GALNT1: variants seen among roughly 807,000 people sequenced by gnomAD.
GALNT1 encodes the protein GalNAc transferase 1.
A neutral mutation model predicts 65.7 loss-of-function variants in GALNT1; 17 were observed. The ratio of observed to expected loss-of-function variants is 0.26; its 90% confidence interval spans 0.18 to 0.39. The LOEUF is 0.39. Among genes scored for constraint, GALNT1 ranks in the 10% least tolerant of loss-of-function variants. GALNT1 has a pLI of 1.00. For missense variants in GALNT1, 460 were observed against 672.8 expected, an observed-to-expected ratio of 0.68 and a Z score of 3.50; for synonymous variants, 210 against 219.7, an observed-to-expected ratio of 0.96 and a Z score of 0.39.
intron 1 of GALNT1, among the ~76,000 whole-genome samples, chr18:35,622,847 G>A (rs545958744): frequency 6.6e-6 from 1 of 151,904 alleles, no homozygotes; most frequent in Non-Finnish European, 1.5e-5. Flanking sequence ...TTTAACTGTA[G>A]ATTTAGGGCA....
rs2047879494 is a variant in GALNT1, at chr18:35,687,061, T to A, written c.735T>A (p.Thr245=). 1.2e-6 allele frequency: 2 copies of A among 1,613,858 alleles called. No homozygotes were observed. The highest frequency in any genetic ancestry group is 1.7e-6 in the Non-Finnish European group (2 of 1,179,874). ...CPIIDVISDD[T]FEYMAGSDMT... ...TCATCGATGTGATCAGTGATGATAC[T>A]TTTGAGTACATGGCAGGCTCTGATA... The change falls in exon 6 of 12, where the codon ACT becomes ACA. Residue 245 remains threonine (T), a synonymous_variant. Coordinates refer to ENST00000269195, the MANE Select transcript of GALNT1 (RefSeq NM_020474.4).
At chr18:35,631,815 C>T (rs1188087345) in intron 1 of GALNT1, among the ~76,000 whole-genome samples, 1 of 152,188 alleles carries the variant, frequency 6.6e-6, no homozygotes, top group Admixed American at 6.5e-5. Flanking sequence ...ACCCCATCGT[C>T]TCAGCCCAAA....
chr18:35,634,117 C>T (rs574603635), intron 1 of GALNT1, among the ~76,000 whole-genome samples: 1 of 152,238 alleles, frequency 6.6e-6, no homozygotes, highest in African/African-American at 2.4e-5. Context: ...AGAAATAATA[C>T]CATTTAAAAT....
At chr18:35,670,408 A>C (rs1387160982) in intron 3 of GALNT1, among the ~76,000 whole-genome samples, 3 of 152,268 alleles carry the variant, frequency 2.0e-5, no homozygotes, top group Non-Finnish European at 4.4e-5. Flanking sequence ...AAAATAAAAC[A>C]ATTTTAAATA....
chr18:35,661,812 A>G (rs1232939220), intron 2 of GALNT1, among the ~76,000 whole-genome samples: 6 of 152,150 alleles, frequency 3.9e-5, no homozygotes, highest in Admixed American at 2.6e-4. Context: ...GTATATGTAT[A>G]TGTTAATACT....
intron 9 of GALNT1, among the ~76,000 whole-genome samples, chr18:35,701,433 C>T (rs982680937): frequency 1.3e-5 from 2 of 152,078 alleles, no homozygotes; most frequent in Admixed American, 1.3e-4. Context: ...TGATCACCTA[C>T]CAGGATGAAG....
At chr18:35,676,642 G>A (rs2144565753) in intron 3 of GALNT1, among the ~76,000 whole-genome samples, 1 of 152,286 alleles carries the variant, frequency 6.6e-6, no homozygotes, top group Non-Finnish European at 1.5e-5. Flanking sequence ...GAGCTTGAGA[G>A]AGAGCAGGGA....
At chr18:35,641,466 G>A (rs1399972187) in intron 1 of GALNT1, among the ~76,000 whole-genome samples, 2 of 152,052 alleles carry the variant, frequency 1.3e-5, no homozygotes, top group East Asian at 3.8e-4. Context: ...AAAAGATACT[G>A]CAGTACATTT....
intron 1 of GALNT1, among the ~76,000 whole-genome samples, chr18:35,615,346 A>G (rs1457379667): frequency 6.6e-6 from 1 of 152,144 alleles, no homozygotes; most frequent in Non-Finnish European, 1.5e-5. Context: ...AAGGAAATGG[A>G]ATACGTTTTA....
intron 1 of GALNT1, among the ~76,000 whole-genome samples, chr18:35,643,476 A>G (rs537254198): frequency 1.3e-5 from 2 of 152,294 alleles, no homozygotes; most frequent in South Asian, 2.1e-4. Flanking sequence ...AACATAACAC[A>G]TATCTGGCTG....
In GALNT1 at chr18:35,688,965, C is replaced by T. The variant is rs530399058; in HGVS notation, c.861-208C>T. Reference sequence around the variant, plus strand: ...AGCATGACACAGCAAGTCTAGCAGTCAGCATGACCATGGTGCAGGTCATGT... The same window carrying T: ...AGCATGACACAGCAAGTCTAGCAGTTAGCATGACCATGGTGCAGGTCATGT... On this transcript the variant is annotated intron_variant, in intron 6 of 11. Coordinates refer to ENST00000269195, the MANE Select transcript of GALNT1 (RefSeq NM_020474.4). Among the ~76,000 whole-genome samples the T allele has an allele frequency of 1.2e-4, 19 of 152,244 alleles. No individual in the cohort carries two copies. The South Asian group carries it at 3.9e-3, about 32-fold the overall frequency.
chr18:35,646,357 T>C (rs1240398310), intron 1 of GALNT1, among the ~76,000 whole-genome samples: 1 of 152,218 alleles, frequency 6.6e-6, no homozygotes, highest in Non-Finnish European at 1.5e-5. Flanking sequence ...AGCCAAACTA[T>C]ATCAAGCATC....
intron 1 of GALNT1, chr18:35,596,905 C>G (rs913345665): frequency 7.9e-5 from 12 of 152,236 alleles, no homozygotes; most frequent in African/African-American, 2.7e-4. Context: ...ACTGACTGTT[C>G]TTCATTCACT....
At chr18:35,640,632 A>C (rs1292147062) in intron 1 of GALNT1, among the ~76,000 whole-genome samples, 1 of 152,218 alleles carries the variant, frequency 6.6e-6, no homozygotes, top group Non-Finnish European at 1.5e-5. Flanking sequence ...GGAGTAGCCA[A>C]GACACTCCTC....
chr18:35,688,870 T>C (rs1598806667), intron 6 of GALNT1, among the ~76,000 whole-genome samples: 1 of 152,072 alleles, frequency 6.6e-6, no homozygotes. Flanking sequence ...CTAAACTCAG[T>C]TAGGACCTGA....
chr18:35,701,739 CAA>C (rs1035203325), intron 9 of GALNT1, among the ~76,000 whole-genome samples: 4 of 152,050 alleles, frequency 2.6e-5, no homozygotes, highest in African/African-American at 9.7e-5. Flanking sequence ...TAGCACTTCT[CAA>C]GAGGGGATGG....
chr18:35,665,593 G>T (rs72964412), intron 3 of GALNT1, among the ~76,000 whole-genome samples: 14,486 of 152,050 alleles, frequency 0.095, 832 homozygotes, highest in African/African-American at 0.17. Context: ...CCCCAGGGGG[G>T]AAAAAAGACC....
chr18:35,632,336 T>G lies in GALNT1; in HGVS notation c.-103-22224T>G, dbSNP rs1460333331. On this transcript the variant is annotated intron_variant, in intron 1 of 11. Coordinates refer to ENST00000269195, the MANE Select transcript of GALNT1 (RefSeq NM_020474.4). ...TACAGTAACCAAAACAGCATGGTAC[T>G]GGTACCAAAACAGAGATATAGACCA... Among the ~76,000 whole-genome samples the G allele has an allele frequency of 2.6e-5, 4 of 152,274 alleles. No homozygotes were observed. The East Asian group carries it at 7.7e-4, about 29-fold the overall frequency.
At chr18:35,659,509 G>A (rs1261879675) in intron 2 of GALNT1, among the ~76,000 whole-genome samples, 3 of 152,126 alleles carry the variant, frequency 2.0e-5, no homozygotes, top group Non-Finnish European at 4.4e-5. Context: ...ACGGGTAGTG[G>A]GGGTTATGGC....
Sources: gnomAD v4.1 joint callset for allele counts (sites outside exome capture counted in the v4.1 genomes callset) on GRCh38, gnomAD v4.1.1 for gene constraint, MANE v1.5 for transcripts, NCBI Gene and HGNC (gene_info 2026-07-23, HGNC 2026-07-21) for gene names.